CERS3: variants seen among roughly 807,000 people sequenced by gnomAD.
CERS3 encodes the protein ceramide synthase 3, also known as LAG1 homolog, ceramide synthase 3.
A neutral mutation model predicts 50.3 loss-of-function variants in CERS3; 33 were observed. That is an observed-to-expected ratio of 0.66 (90% CI 0.50 to 0.88). CERS3 has a LOEUF of 0.88. CERS3 is among the 40% of genes least tolerant of loss of function. CERS3 has a pLI of 0.00. For synonymous variants in CERS3, 176 were observed against 155.2 expected (o/e 1.13, Z -0.99); for missense variants, 470 against 460.3 (o/e 1.02, Z -0.19).
chr15:100,538,656 C>G (rs576406717), intron 1 of CERS3, among the ~76,000 whole-genome samples: 2 of 152,340 alleles, frequency 1.3e-5, no homozygotes, highest in African/African-American at 4.8e-5. Flanking sequence ...GCCGAGCCCA[C>G]AAAACCATTT....
chr15:100,490,741 C>A (rs753116382), intron 4 of CERS3, 76 bp downstream of exon 4: 1 of 858,622 alleles, frequency 1.2e-6, no homozygotes, highest in East Asian at 2.5e-5. Flanking sequence ...TTCTTGCACA[C>A]ACAAGGTAAG....
chr15:100,452,793 A>T (rs1319014159), intron 11 of CERS3, among the ~76,000 whole-genome samples: 1 of 152,128 alleles, frequency 6.6e-6, no homozygotes, highest in Non-Finnish European at 1.5e-5. Flanking sequence ...CAAAATAAAG[A>T]AAATCAGAAA....
intron 2 of CERS3, among the ~76,000 whole-genome samples, chr15:100,509,144 T>C (rs1285970035): frequency 1.3e-5 from 2 of 152,160 alleles, no homozygotes; most frequent in Non-Finnish European, 2.9e-5. Flanking sequence ...TTCACGGTCA[T>C]TCTTTTCTAA....
intron 11 of CERS3, chr15:100,437,721 G>C (rs2142140980): frequency 6.6e-6 from 1 of 152,302 alleles, no homozygotes; most frequent in Middle Eastern, 3.4e-3. Context: ...GCCACCCACT[G>C]TTCTAAGGGC....
intron 10 of CERS3, among the ~76,000 whole-genome samples, chr15:100,456,344 A>T (rs1379940912): frequency 6.6e-6 from 1 of 152,244 alleles, no homozygotes; most frequent in East Asian, 1.9e-4. Context: ...AAAAGCATAC[A>T]CTAACCATTT....
At chr15:100,542,267 A>G (rs972149895) in intron 1 of CERS3, among the ~76,000 whole-genome samples, 6 of 152,238 alleles carry the variant, frequency 3.9e-5, no homozygotes, top group African/African-American at 9.6e-5. Flanking sequence ...TAACTGGACT[A>G]GAAAAGAAAA....
chr15:100,473,385 A>G (rs1055242844), intron 8 of CERS3, among the ~76,000 whole-genome samples: 7 of 151,954 alleles, frequency 4.6e-5, no homozygotes, highest in African/African-American at 1.5e-4. Flanking sequence ...TTCCCCAAAA[A>G]GAAAAAAAAG....
Position 100,417,509 on chromosome 15 carries a change from C to A in CERS3, c.1000-14644G>T, listed in dbSNP as rs964186884. On this transcript the variant is annotated intron_variant, in intron 11 of 11. Transcript: ENST00000679737. ...GGCAGCAGCGAGGCTGGGGGAGGGG[C>A]GCCCGCCATTGCCCAGGCTTGCTTA... Among the ~76,000 whole-genome samples the A allele has an allele frequency of 1.1e-4, 17 of 152,072 alleles. No individual in the cohort carries two copies. The East Asian group carries it at 3.1e-3, about 28-fold the overall frequency.
intron 11 of CERS3, among the ~76,000 whole-genome samples, chr15:100,429,837 A>G (rs2033020991): frequency 6.6e-6 from 1 of 152,190 alleles, no homozygotes; most frequent in African/African-American, 2.4e-5. Flanking sequence ...ATTAATACAC[A>G]AATTCCCACC....
chr15:100,499,712 T>G (rs1216026328), intron 3 of CERS3, among the ~76,000 whole-genome samples: 1 of 152,246 alleles, frequency 6.6e-6, no homozygotes, highest in East Asian at 1.9e-4. Context: ...TTTACATGAA[T>G]TTTTAAAATA....
intron 9 of CERS3, among the ~76,000 whole-genome samples, chr15:100,470,823 A>T (rs2034946093): frequency 6.6e-6 from 1 of 152,196 alleles, no homozygotes; most frequent in Non-Finnish European, 1.5e-5. Context: ...CTTACGAGTG[A>T]GAGTGGTAGA....
At chr15:100,479,796 T>G (rs2035244258) in intron 6 of CERS3, among the ~76,000 whole-genome samples, 193 bp downstream of exon 6, 1 of 152,132 alleles carries the variant, frequency 6.6e-6, no homozygotes, top group African/African-American at 2.4e-5. Flanking sequence ...CTAAACCAAT[T>G]GTATTATTGC....
intron 11 of CERS3, among the ~76,000 whole-genome samples, 164 bp from the exon 12 acceptor site, chr15:100,403,029 C>A (rs987262578): frequency 6.6e-6 from 1 of 152,122 alleles, no homozygotes; most frequent in Non-Finnish European, 1.5e-5. Context: ...ATAAAGCCAA[C>A]CTTAACAAAC....
At chr15:100,502,290 A>AG (rs2036036271) in intron 2 of CERS3, among the ~76,000 whole-genome samples, 2 of 151,406 alleles carry the variant, frequency 1.3e-5, no homozygotes, top group Admixed American at 6.6e-5. Flanking sequence ...AAAGAAAGAA[A>AG]ATAAGGCAAG....
At chr15:100,489,552 T>C (rs180672248) in intron 4 of CERS3, among the ~76,000 whole-genome samples, 169 of 152,302 alleles carry the variant, frequency 1.1e-3, no homozygotes, top group Admixed American at 1.9e-3. Context: ...GTTCTTCCCA[T>C]TTTATACAAA....
rs550861110 is a variant in CERS3 at position 100,431,761 on chromosome 15, C to A, written c.999+24132G>T. Among the ~76,000 whole-genome samples, 4 of 152,252 alleles carry A rather than the reference C, an allele frequency of 2.6e-5. No homozygotes were observed. The South Asian group carries it at 8.3e-4, about 32-fold the overall frequency. On this transcript the variant is annotated intron_variant, in intron 11 of 11. Transcript: ENST00000679737. Reference sequence around the variant, plus strand: ...CAAAAATTCCAGTGTCTCGATCTCACCTCTGTAGATTTAACTGGTCTGTGT... The same window carrying A: ...CAAAAATTCCAGTGTCTCGATCTCAACTCTGTAGATTTAACTGGTCTGTGT...
chr15:100,516,897 A>G (rs142407145), intron 2 of CERS3, among the ~76,000 whole-genome samples: 13 of 152,330 alleles, frequency 8.5e-5, no homozygotes, highest in Admixed American at 3.9e-4. Flanking sequence ...CTCAGCAAAC[A>G]AGAGTAGGAT....
intron 4 of CERS3, among the ~76,000 whole-genome samples, chr15:100,485,870 A>C (rs2035469407): frequency 6.6e-6 from 1 of 152,114 alleles, no homozygotes; most frequent in South Asian, 2.1e-4. Context: ...TCTCTAAATA[A>C]ATAAATACAT....
intron 10 of CERS3, among the ~76,000 whole-genome samples, chr15:100,460,419 G>A (rs2034511554): frequency 6.6e-6 from 1 of 152,064 alleles, no homozygotes; most frequent in Non-Finnish European, 1.5e-5. Context: ...TTACCTTCTG[G>A]TACCCACATT....
Sources: allele counts gnomAD v4.1 joint callset (sites outside exome capture counted in the v4.1 genomes callset), GRCh38; gene constraint gnomAD v4.1.1; transcripts MANE v1.5; gene names NCBI Gene and HGNC (gene_info 2026-07-23, HGNC 2026-07-21).